The following USP8 variants were observed in gnomAD, a reference collection of about 807,000 sequenced individuals.
The protein encoded by USP8 is ubiquitin specific peptidase 8.
In USP8, 27 loss-of-function variants were observed where a neutral mutation model predicts 130.0. The observed-to-expected ratio is 0.21, with a 90% CI of 0.15 to 0.29. The LOEUF is 0.29. Among genes scored for constraint, USP8 ranks in the 10% least tolerant of loss-of-function variants. The probability of loss-of-function intolerance (pLI) is 1.00; values close to 1 mark genes in which losing one functional copy is unlikely to be tolerated. For synonymous variants in USP8, 392 were observed against 444.1 expected (o/e 0.88, Z 1.48); for missense variants, 1,029 against 1,312.2 (o/e 0.78, Z 3.33).
intron 2 of USP8, 152 bp from the exon 3 acceptor site, chr15:50,441,197 C>A: frequency 1.6e-6 from 1 of 628,148 alleles, no homozygotes; most frequent in South Asian, 3.0e-5. Context: ...GTCTGCTGTG[C>A]GTCCTGGTTC....
At chr15:50,468,760 GT>G (rs1356000075) in intron 7 of USP8, among the ~76,000 whole-genome samples, 2 of 151,854 alleles carry the variant, frequency 1.3e-5, no homozygotes, top group Non-Finnish European at 2.9e-5. Flanking sequence ...GTGTTCATAA[GT>G]TCTTACCGTT....
Position 50,510,727 on chromosome 15 carries a change from T to C in USP8, c.*11639T>C, listed in dbSNP as rs1376632726. The stretch of plus-strand genomic sequence containing the variant: ...TAAAAGTGTATACACTGCTAAATGT[T>C]AATAACTGAATCTAGCTGAAATGTA... On this transcript the variant is annotated 3_prime_UTR_variant, in exon 20 of 20. Transcript: ENST00000307179. The C allele has an allele frequency of 1.3e-5, 2 of 152,120 alleles. No homozygotes were observed. The highest frequency in any genetic ancestry group is 2.9e-5 in the Non-Finnish European group (2 of 67,996). The allele number at this position is 152,120 out of a possible 1,614,324, so 9.4% of individuals were successfully genotyped here. A position where few individuals can be genotyped will look rare whatever the true frequency, so the allele number is the denominator to read the frequency against.
In USP8 at chr15:50,481,909, A is replaced by C; in HGVS notation, c.1647A>C (p.Thr549=). 2 of 1,603,368 alleles carry C rather than the reference A, an allele frequency of 1.2e-6. No homozygotes were observed. Among genetic ancestry groups the C allele is most frequent in the Non-Finnish European group, 1.7e-6 (2 of 1,176,128 alleles). The change falls in exon 11 of 20, where the codon ACA becomes ACC. Residue 549 remains threonine (T), a synonymous_variant. Coordinates refer to ENST00000307179, the MANE Select transcript of USP8 (RefSeq NM_005154.5). ...CAGCAAAGAGGGGCAAAGAAATAAC[A>C]GGAGTAAAAAGACAAAGTAAAAGTG... ...ETSAKRGKEI[T]GVKRQSKSEH...
At position 50,484,328 on chromosome 15, in the gene USP8, T is replaced by C. The variant is rs10220843; in HGVS notation, c.1857T>C (p.Phe619=). ...PESGILRTGT[F]REDTDDTERN... is the part of the protein sequence containing the mutation. ...GTGGAATTCTAAGGACAGGAACTTT[T>C]AGAGAGGATACAGACGATACCGAAA... The change falls in exon 12 of 20, where the codon TTT becomes TTC. Residue 619 remains phenylalanine, a synonymous_variant. Transcript: ENST00000307179. 62,389 of 1,611,854 alleles carry C rather than the reference T, an allele frequency of 0.039. 3,142 individuals are homozygous for C. The highest frequency in any genetic ancestry group is 0.25 in the African/African-American group (18,715 of 74,680).
chr15:50,494,850 A>C (rs1201884276), intron 16 of USP8, among the ~76,000 whole-genome samples: 1 of 152,110 alleles, frequency 6.6e-6, no homozygotes, highest in East Asian at 1.9e-4. Flanking sequence ...CCTCGTCTCT[A>C]CTAAAAATAC....
At position 50,508,657 on chromosome 15, in the gene USP8, T is replaced by C. The variant is rs1015281401; in HGVS notation, c.*9569T>C. 6.6e-6 allele frequency: 1 copy of C among 152,058 alleles called. No individual in the cohort carries two copies. Among genetic ancestry groups the C allele is most frequent in the Admixed American group, 6.6e-5 (1 of 15,256 alleles). The allele number at this position is 152,058 out of a possible 1,614,324, so 9.4% of individuals were successfully genotyped here. On this transcript the variant is annotated 3_prime_UTR_variant, in exon 20 of 20. Transcript: ENST00000307179. ...CATAAAGCAGAAAACAAAGATGTAA[T>C]ACAGAAGATTTAAAAAAAGGTAAAA...
At chr15:50,454,568 A>C (rs1188799854) in intron 4 of USP8, among the ~76,000 whole-genome samples, 2 of 148,766 alleles carry the variant, frequency 1.3e-5, no homozygotes, top group Admixed American at 6.7e-5. Context: ...CAATTCTCCT[A>C]TCTTAGCCTC....
In USP8 at chr15:50,500,218, A is replaced by G. The variant is rs1224874960; in HGVS notation, c.*1130A>G. 2 of 152,232 alleles carry G rather than the reference A, an allele frequency of 1.3e-5. No homozygotes were observed. Among genetic ancestry groups the G allele is most frequent in the African/African-American group, 4.8e-5 (2 of 41,426 alleles). 9.4% of individuals were successfully genotyped at this position (152,232 alleles called of 1,614,324 possible). ...TCATGTTTTACAATTAGTCTAAGAG[A>G]CCACTTCTTGGCTAAATTATTATAT... is the stretch of plus-strand genomic sequence containing the variant. On this transcript the variant is annotated 3_prime_UTR_variant, in exon 20 of 20. Coordinates refer to ENST00000307179, the MANE Select transcript of USP8 (RefSeq NM_005154.5).
At chr15:50,459,909 T>C (rs1247466822) in intron 5 of USP8, among the ~76,000 whole-genome samples, 2 of 151,852 alleles carry the variant, frequency 1.3e-5, no homozygotes, top group African/African-American at 4.8e-5. Context: ...CTTTGTTTGG[T>C]ACCAAGCCTT....
intron 1 of USP8, among the ~76,000 whole-genome samples, chr15:50,438,152 T>C (rs1026553846): frequency 2.6e-5 from 4 of 152,204 alleles, no homozygotes; most frequent in Non-Finnish European, 5.9e-5. Flanking sequence ...GGGGTGCTTT[T>C]GGAATTTTCA....
intron 2 of USP8, 68 bp from the exon 3 acceptor site, chr15:50,441,281 T>C (rs1374303833): frequency 2.1e-6 from 3 of 1,420,316 alleles, no homozygotes; most frequent in African/African-American, 1.5e-5. Flanking sequence ...TCTGTGGACT[T>C]TGTATATGAC....
chr15:50,476,996 A>G lies in USP8; in HGVS notation c.994+3A>G, dbSNP rs1187426264. On this transcript the variant is annotated splice_donor_region_variant and intron_variant, in intron 9 of 19. Coordinates refer to ENST00000307179, the MANE Select transcript of USP8 (RefSeq NM_005154.5). ...GAATGAAGAGGTGTCTATCTCATGT[A>G]TGTATGTGAAAATTTTTGTTTAAAA... is the stretch of plus-strand genomic sequence containing the variant. 1.3e-6 allele frequency: 2 copies of G among 1,594,428 alleles called. No homozygotes were observed. Among genetic ancestry groups the G allele is most frequent in the Non-Finnish European group, 1.7e-6 (2 of 1,175,950 alleles).
chr15:50,495,859 G>C lies in USP8; in HGVS notation c.2670G>C (p.Arg890=). The C allele has an allele frequency of 6.2e-7, 1 of 1,612,006 alleles. No homozygotes were observed. Among genetic ancestry groups the C allele is most frequent in the South Asian group, 1.1e-5 (1 of 90,762 alleles). ...LHEDLNKADN[R]KRYKEENNDH... is the part of the protein sequence containing the mutation. ...CATTTTATTTCCAGGCTGATAATCG[G>C]AAGAGATATAAAGAAGAAAATAATG... is the stretch of plus-strand genomic sequence containing the variant. Residue 890 remains arginine (R), a synonymous_variant, in exon 17 of 20, where the codon CGG becomes CGC. Coordinates refer to ENST00000307179, the MANE Select transcript of USP8 (RefSeq NM_005154.5).
At chr15:50,439,329 C>T (rs111905898) in intron 2 of USP8, 152 bp downstream of exon 2, 166 of 541,460 alleles carry the variant, frequency 3.1e-4, no homozygotes, top group African/African-American at 2.8e-3. Flanking sequence ...GTAATGTAAT[C>T]GTAGCACAAT....
chr15:50,484,446 T>A, intron 12 of USP8, 85 bp downstream of exon 12: 1 of 1,088,538 alleles, frequency 9.2e-7, no homozygotes, highest in Non-Finnish European at 1.4e-6. Flanking sequence ...CACTGCTATC[T>A]TTTATCATGA....
At position 50,500,801 on chromosome 15, in the gene USP8, C is replaced by T. The variant is rs866256938; in HGVS notation, c.*1713C>T. 1.9e-6 allele frequency: 3 copies of T among 1,590,428 alleles called. No individual in the cohort carries two copies. The highest frequency in any genetic ancestry group is 2.6e-6 in the Non-Finnish European group (3 of 1,167,902). ...TGGGTGACTGAATTCTTGCAGAAAG[C>T]AGTGTAGTGGCCACCATCCAAATCA... On this transcript the variant is annotated 3_prime_UTR_variant, in exon 20 of 20. Coordinates refer to ENST00000307179, the MANE Select transcript of USP8 (RefSeq NM_005154.5).
At chr15:50,482,995 C>T (rs1219475392) in intron 11 of USP8, among the ~76,000 whole-genome samples, 2 of 152,104 alleles carry the variant, frequency 1.3e-5, no homozygotes, top group Admixed American at 6.5e-5. Context: ...TTCTAAACAC[C>T]CCAAATTGGG....
chr15:50,480,818 G>T (rs2051740024), intron 10 of USP8, among the ~76,000 whole-genome samples: 1 of 151,976 alleles, frequency 6.6e-6, no homozygotes, highest in Non-Finnish European at 1.5e-5. Context: ...GAAACAGATT[G>T]GGGGGCGGGG....
At chr15:50,498,501 T>G in intron 18 of USP8, 95 bp from the exon 19 acceptor site, 1 of 1,413,176 alleles carries the variant, frequency 7.1e-7, no homozygotes, top group South Asian at 1.8e-5. Flanking sequence ...TTGAAATGGA[T>G]TTTACAGTCC....
Sources: gnomAD v4.1 joint callset for allele counts (sites outside exome capture counted in the v4.1 genomes callset) on GRCh38, gnomAD v4.1.1 for gene constraint, MANE v1.5 for transcripts, NCBI Gene and HGNC (gene_info 2026-07-23, HGNC 2026-07-21) for gene names.